PPRC1: variants seen among roughly 807,000 people sequenced by gnomAD.
The protein encoded by PPRC1 is peroxisome proliferator-activated receptor gamma coactivator-related protein 1.
Under a neutral mutation model 132.5 loss-of-function variants are expected in PPRC1, and 23 were observed. The ratio of observed to expected loss-of-function variants is 0.17; its 90% CI spans 0.12 to 0.25. The LOEUF (loss-of-function observed/expected upper bound fraction) is 0.25. PPRC1 is among the 10% of genes least tolerant of loss of function. The pLI, the probability that PPRC1 is intolerant of heterozygous loss-of-function variation, is 1.00. For missense variants in PPRC1, 2,006 were observed against 2,089.1 expected (o/e 0.96, Z 0.78); for synonymous variants, 872 against 833.5 (o/e 1.05, Z -0.80).
At position 102,139,462 on chromosome 10, in the gene PPRC1, C is replaced by T. The variant is rs941677990; in HGVS notation, c.954C>T (p.Pro318=). 1 of 1,614,032 alleles carries T rather than the reference C, an allele frequency of 6.2e-7. No homozygotes were observed. Residue 318 remains proline (P), a synonymous_variant, in exon 5 of 14, where the codon CCC becomes CCT. Transcript: ENST00000278070. ...GGGCCATGCACCCATACTGCCTGCC[C>T]AACCTCACCCACCTGGCATCACTTG... The part of the protein sequence containing the change: ...LVRAMHPYCL[P]NLTHLASLED...
At chr10:102,126,074 C>G in the PPRC1 span, among the ~76,000 whole-genome samples, 1 of 152,032 alleles carries the variant, frequency 6.6e-6, no homozygotes. Context: ...GTTGGTCAGG[C>G]TCATCTCGAA....
rs757734829 is a variant in PPRC1 at position 102,141,250 on chromosome 10, T to A, written c.2742T>A (p.Phe914Leu). The change falls in exon 5 of 14, where the codon TTT (phenylalanine) becomes TTA (leucine). Residue 914 changes from phenylalanine to leucine, a missense_variant. Transcript: ENST00000278070. ...TGGGGCCAGTACTACCTGATCCGTT[T>A]ACTCACTATGCCCCCTTGCCATCCT... ...LSMGPVLPDP[F>L]THYAPLPSWP... The A allele has an allele frequency of 1.2e-6, 2 of 1,614,036 alleles. No homozygotes were observed. The highest frequency in any genetic ancestry group is 1.3e-5 in the African/African-American group (1 of 74,914).
Position 102,144,253 on chromosome 10 carries a change from A to G in PPRC1, c.3554A>G (p.Lys1185Arg). ...AACTAGTATGGTTTCTTTGCAGCCA[A>G]AAAGGAGTGTCCTCCTCCGGCTCCT... ...LLEQFEKSEAKKECPPPAPAD... is the reference protein window; with the variant it reads ...LLEQFEKSEARKECPPPAPAD... The change falls in exon 7 of 14, where the codon AAA (lysine) becomes AGA (arginine). Residue 1185 changes from lysine (K) to arginine (R), a missense_variant. Lys to Arg is a conservative substitution (Grantham distance 26). Around this residue, in one of 2 missense-constraint regions of PPRC1, gnomAD observed 1,914 missense variants for 1,917.2 expected, o/e 1.00. Transcript: ENST00000278070. 1.2e-6 allele frequency: 2 copies of G among 1,614,178 alleles called. No homozygotes were observed. Among genetic ancestry groups the G allele is most frequent in the Non-Finnish European group, 8.5e-7 (1 of 1,179,994 alleles).
upstream of PPRC1, among the ~76,000 whole-genome samples, chr10:102,131,954 C>A (rs79426215): frequency 1.3e-5 from 2 of 152,126 alleles, no homozygotes; most frequent in African/African-American, 4.8e-5. Flanking sequence ...CACCGAGCCA[C>A]GGCCAGAAAC....
In PPRC1 at chr10:102,146,833, G is replaced by C; in HGVS notation, c.3841G>C (p.Glu1281Gln). Residue 1281 changes from glutamate to glutamine, a missense_variant, in exon 9 of 14, where the codon GAA becomes CAA. By Grantham distance (29) the Glu-to-Gln change is conservative. Coordinates refer to ENST00000278070, the MANE Select transcript of PPRC1 (RefSeq NM_015062.5). ...ACATCCAGCTGCAGTTCGCCTCCAAGAAGGGGTCCATGGCCCTAGTCGAGT... is the reference window on the plus strand; with the variant it reads ...ACATCCAGCTGCAGTTCGCCTCCAACAAGGGGTCCATGGCCCTAGTCGAGT... ...AKHPAAVRLQ[E>Q]GVHGPSRVHV... 1 of 1,614,138 alleles carries C rather than the reference G, an allele frequency of 6.2e-7. No homozygotes were observed. Among genetic ancestry groups the C allele is most frequent in the Non-Finnish European group, 8.5e-7 (1 of 1,180,002 alleles).
intron 8 of PPRC1, 39 bp from the exon 9 acceptor site, chr10:102,146,633 A>C: frequency 1.3e-6 from 2 of 1,565,244 alleles, no homozygotes; most frequent in Non-Finnish European, 1.7e-6. Context: ...GTAGAATCGG[A>C]TCTCATCCTG....
Position 102,140,540 on chromosome 10 carries a change from C to T in PPRC1, c.2032C>T (p.Leu678=). ...ACTGGTTGACCCTGTTCCTAATGACCTGACTCCAGTTGACCCAGTGCTAGT... is the reference window on the plus strand; with the variant it reads ...ACTGGTTGACCCTGTTCCTAATGACTTGACTCCAGTTGACCCAGTGCTAGT... The part of the protein sequence containing the change: ...LALVDPVPND[L]TPVDPVLVKS... The change falls in exon 5 of 14, where the codon CTG becomes TTG. Residue 678 remains leucine, a synonymous_variant. Transcript: ENST00000278070. 6.2e-7 allele frequency: 1 copy of T among 1,614,098 alleles called. No homozygotes were observed. Among genetic ancestry groups the T allele is most frequent in the Non-Finnish European group, 8.5e-7 (1 of 1,180,010 alleles).
chr10:102,149,333 A>G lies in PPRC1; in HGVS notation c.4891+4A>G. On this transcript the variant is annotated splice_donor_region_variant and intron_variant, in intron 13 of 13. Coordinates refer to ENST00000278070, the MANE Select transcript of PPRC1 (RefSeq NM_015062.5). ...AAGAGGAGCTATTCTGATCTTGGTG[A>G]GTGGAGGGAGGGCCTAAAGCTTTGG... The G allele has an allele frequency of 6.4e-7, 1 of 1,573,562 alleles. No individual in the cohort carries two copies. Among genetic ancestry groups the G allele is most frequent in the Non-Finnish European group, 8.6e-7 (1 of 1,157,574 alleles).
the PPRC1 span, among the ~76,000 whole-genome samples, chr10:102,125,207 C>T: frequency 6.6e-6 from 1 of 151,938 alleles, no homozygotes; most frequent in Non-Finnish European, 1.5e-5. Flanking sequence ...TCTCCTGCCT[C>T]AGCCTCCCAA....
Position 102,133,048 on chromosome 10 carries a change from G to T in PPRC1, c.-21G>T, listed in dbSNP as rs906277356. The T allele has an allele frequency of 3.2e-6, 4 of 1,240,194 alleles. No individual in the cohort carries two copies. The highest frequency in any genetic ancestry group is 4.2e-5 in the Admixed American group (1 of 23,724). 76.8% of individuals were successfully genotyped at this position (1,240,194 alleles called of 1,614,324 possible). A position where few individuals can be genotyped will look rare whatever the true frequency, so the allele number is the denominator to read the frequency against. On this transcript the variant is annotated 5_prime_UTR_variant, in exon 1 of 14. Transcript: ENST00000278070. ...AGGCGGCGCCAGCGATCAGAGCAGC[G>T]CTGGGTGTTCAGGGGCCAAGATGGC...
chr10:102,136,908 A>G (rs891289640), intron 1 of PPRC1, among the ~76,000 whole-genome samples: 2 of 152,142 alleles, frequency 1.3e-5, no homozygotes, highest in African/African-American at 4.8e-5. Context: ...GCTAGTTCTT[A>G]GAGGAGTGTG....
chr10:102,122,838 C>T, the PPRC1 span, among the ~76,000 whole-genome samples: 1 of 152,172 alleles, frequency 6.6e-6, no homozygotes, highest in East Asian at 1.9e-4. Context: ...TGCACTAATG[C>T]CAGGCACTGC....
At chr10:102,134,516 C>A (rs1358459789) in intron 1 of PPRC1, among the ~76,000 whole-genome samples, 1 of 152,138 alleles carries the variant, frequency 6.6e-6, no homozygotes, top group Admixed American at 6.5e-5. Context: ...TAAGCTGAGT[C>A]CTTGACAGCA....
chr10:102,128,331 G>T (rs1050652028), upstream of PPRC1, among the ~76,000 whole-genome samples: 2 of 151,916 alleles, frequency 1.3e-5, no homozygotes, highest in African/African-American at 4.8e-5. Context: ...GTAGAGACGG[G>T]GTTTCACCAT....
Position 102,148,850 on chromosome 10 carries a change from C to A in PPRC1, c.4651C>A (p.Pro1551Thr). ...ERRVVFIGKI[P>T]GRMTRSELKQ... is the part of the protein sequence containing the mutation. ...AAGGGTGGTCTTCATTGGAAAGATA[C>A]CTGGCCGCATGACTCGATCAGAGCT... Residue 1551 changes from proline (P) to threonine (T), a missense_variant, in exon 12 of 14, where the codon CCT becomes ACT. Transcript: ENST00000278070. This position sits in a 1 kb window ranked among gnomAD's most constrained non-coding sequence, Gnocchi z 4.2. The A allele has an allele frequency of 6.2e-7, 1 of 1,614,128 alleles. No individual in the cohort carries two copies. Among genetic ancestry groups the A allele is most frequent in the South Asian group, 1.1e-5 (1 of 91,076 alleles).
At chr10:102,143,598 CA>C (rs774584823) in intron 6 of PPRC1, among the ~76,000 whole-genome samples, 8,309 of 57,950 alleles carry the variant, frequency 0.14, 170 homozygotes, top group Middle Eastern at 0.22. Context: ...GACTCTGTCT[CA>C]AAAAAAAAAA....
Position 102,148,334 on chromosome 10 carries a change from C to G in PPRC1, c.4401-38C>G. 1 of 1,604,424 alleles carries G rather than the reference C, an allele frequency of 6.2e-7. No individual in the cohort carries two copies. The highest frequency in any genetic ancestry group is 1.1e-5 in the South Asian group (1 of 89,334). ...GTGAGATAAGCAGAGTATACCTGAA[C>G]CACTCCCAGCATTCCTGCATGCCCT... On this transcript the variant is annotated intron_variant, in intron 9 of 13. Coordinates refer to ENST00000278070, the MANE Select transcript of PPRC1 (RefSeq NM_015062.5). This position sits in a 1 kb window ranked among gnomAD's most constrained non-coding sequence, Gnocchi z 4.2.
At chr10:102,138,548 A>G (rs898387778) in intron 2 of PPRC1, 71 bp from the exon 3 acceptor site, 2 of 1,550,228 alleles carry the variant, frequency 1.3e-6, no homozygotes, top group Non-Finnish European at 1.8e-6. Context: ...TTCTCTCGAT[A>G]TCCAGTCCTT....
chr10:102,136,141 A>C (rs1463499960), intron 1 of PPRC1, among the ~76,000 whole-genome samples: 1 of 152,094 alleles, frequency 6.6e-6, no homozygotes, highest in Non-Finnish European at 1.5e-5. Flanking sequence ...GCCAGGTGCT[A>C]TTCAGCTGCT....
Sources: gnomAD v4.1 joint callset for allele counts (sites outside exome capture counted in the v4.1 genomes callset) on GRCh38, gnomAD v4.1.1 for gene constraint, gnomAD v4.1.1 regional missense constraint, Gnocchi (gnomAD v3.1) non-coding constraint, MANE v1.5 for transcripts, NCBI Gene and HGNC (gene_info 2026-07-23, HGNC 2026-07-21) for gene names.